Variants in CSMD1 observed in about 807,000 individuals in gnomAD.
CSMD1 encodes the protein CUB and sushi domain-containing protein 1.
A neutral mutation model predicts 417.5 loss-of-function variants in CSMD1; 213 were observed. The observed-to-expected ratio is 0.51, with a 90% CI of 0.46 to 0.57. The LOEUF is 0.57. CSMD1 is among the 20% of genes least tolerant of loss of function. The pLI, the probability that CSMD1 is intolerant of heterozygous loss-of-function variation, is 0.00. For synonymous variants in CSMD1, 2,862 were observed against 1,736.8 expected (o/e 1.65, Z -16.11); for missense variants, 6,923 against 4,529.7 (o/e 1.53, Z -15.17).
chr8:4,978,733 T>G (rs1403458354), intron 1 of CSMD1, among the ~76,000 whole-genome samples: 2 of 152,108 alleles, frequency 1.3e-5, no homozygotes, highest in African/African-American at 4.8e-5. Flanking sequence ...AGGTCAGTAG[T>G]TCGAGACCAG....
intron 2 of CSMD1, among the ~76,000 whole-genome samples, chr8:4,437,230 G>C (rs1460622230): frequency 6.6e-6 from 1 of 152,176 alleles, no homozygotes; most frequent in Non-Finnish European, 1.5e-5. Flanking sequence ...GTATCAAATT[G>C]AAGAACTGGT....
chr8:3,488,367 C>T (rs981213776), intron 11 of CSMD1, among the ~76,000 whole-genome samples: 2 of 152,064 alleles, frequency 1.3e-5, no homozygotes, highest in African/African-American at 4.8e-5. Context: ...CTCGGCTTCC[C>T]AAAGTTCCGG....
At chr8:3,218,574 A>AAAAAAG (rs1554471138) in intron 29 of CSMD1, among the ~76,000 whole-genome samples, 14 of 151,030 alleles carry the variant, frequency 9.3e-5, no homozygotes, top group Non-Finnish European at 1.8e-4. Context: ...AATAAAAAAA[A>AAAAAAG]AAAGAAATTA....
intron 2 of CSMD1, among the ~76,000 whole-genome samples, chr8:4,472,864 ATAGT>A (rs1397694600): frequency 2.0e-5 from 3 of 151,996 alleles, no homozygotes; most frequent in Non-Finnish European, 4.4e-5. Flanking sequence ...ATGATTAAAC[ATAGT>A]TATTCACTTT....
At chr8:4,092,386 C>T (rs532521884) in intron 3 of CSMD1, among the ~76,000 whole-genome samples, 3 of 152,232 alleles carry the variant, frequency 2.0e-5, no homozygotes, top group Non-Finnish European at 2.9e-5. Context: ...CTGTGCTCTC[C>T]ACCGTAAGGC....
intron 5 of CSMD1, among the ~76,000 whole-genome samples, chr8:3,903,705 C>A (rs1272253822): frequency 6.6e-6 from 1 of 152,152 alleles, no homozygotes; most frequent in Non-Finnish European, 1.5e-5. Flanking sequence ...TCAGATACAG[C>A]ATCCTGAAAG....
At chr8:3,478,705 C>T (rs907494534) in intron 11 of CSMD1, among the ~76,000 whole-genome samples, 5 of 152,222 alleles carry the variant, frequency 3.3e-5, no homozygotes, top group East Asian at 1.9e-4. Context: ...TACCAGACTA[C>T]GCAGCACCAC....
chr8:3,806,555 C>T (rs1219051006), intron 5 of CSMD1, among the ~76,000 whole-genome samples: 1 of 152,178 alleles, frequency 6.6e-6, no homozygotes, highest in East Asian at 1.9e-4. Context: ...TACACGCACA[C>T]TTATCATAGA....
chr8:4,499,809 G>T (rs1199269110), intron 2 of CSMD1, among the ~76,000 whole-genome samples: 1 of 152,190 alleles, frequency 6.6e-6, no homozygotes, highest in Admixed American at 6.5e-5. Context: ...GCATACAAGA[G>T]CTATACTGAG....
At chr8:4,046,749 C>T (rs1798167471) in intron 3 of CSMD1, among the ~76,000 whole-genome samples, 2 of 152,186 alleles carry the variant, frequency 1.3e-5, no homozygotes, top group Non-Finnish European at 2.9e-5. Context: ...TCTGTTTCCC[C>T]CATAACACAC....
intron 36 of CSMD1, among the ~76,000 whole-genome samples, chr8:3,185,410 T>A (rs993232823): frequency 2.0e-5 from 3 of 152,218 alleles, no homozygotes; most frequent in Non-Finnish European, 2.9e-5. Flanking sequence ...CTTTGGCTAA[T>A]CCATCATGCA....
chr8:3,838,191 C>T lies in CSMD1; in HGVS notation c.819-84149G>A, dbSNP rs74390854. ...CAAATGAATCAGACACAGACCCTGC[C>T]TTCCTATGGATAGATAACTATGACA... On this transcript the variant is annotated intron_variant, in intron 5 of 69. Coordinates refer to ENST00000635120, the MANE Select transcript of CSMD1 (RefSeq NM_033225.6). Among the ~76,000 whole-genome samples, 757 of 152,140 alleles carry T rather than the reference C, an allele frequency of 5.0e-3. 8 individuals are homozygous for T. Among genetic ancestry groups the T allele is most frequent in the Admixed American group, 7.7e-3 (118 of 15,236 alleles).
intron 5 of CSMD1, among the ~76,000 whole-genome samples, chr8:3,939,005 A>G (rs1463212131): frequency 1.3e-5 from 2 of 152,106 alleles, no homozygotes; most frequent in Admixed American, 6.6e-5. Context: ...GGGGTAGAAT[A>G]TTACATGTAT....
intron 42 of CSMD1, among the ~76,000 whole-genome samples, chr8:3,116,374 C>T (rs1816872215): frequency 6.6e-6 from 1 of 152,116 alleles, no homozygotes; most frequent in Non-Finnish European, 1.5e-5. Flanking sequence ...AGATATGTGG[C>T]ATCCTCCTGG....
At chr8:4,096,118 A>C (rs941978211) in intron 3 of CSMD1, among the ~76,000 whole-genome samples, 31 of 152,104 alleles carry the variant, frequency 2.0e-4, no homozygotes, top group African/African-American at 7.2e-4. Flanking sequence ...GGTTCCTCAA[A>C]AACATCCAGG....
At chr8:4,638,994 C>A (rs1424944511) in intron 1 of CSMD1, among the ~76,000 whole-genome samples, 1 of 152,176 alleles carries the variant, frequency 6.6e-6, no homozygotes, top group Non-Finnish European at 1.5e-5. Context: ...CTGCAAGAAC[C>A]AAGCGCTGAA....
chr8:4,663,122 G>A (rs1804705080), intron 1 of CSMD1, among the ~76,000 whole-genome samples: 1 of 152,156 alleles, frequency 6.6e-6, no homozygotes, highest in African/African-American at 2.4e-5. Flanking sequence ...GGCTTAGGAC[G>A]CCACGGAGAA....
At chr8:4,764,913 A>AG (rs398112131) in intron 1 of CSMD1, among the ~76,000 whole-genome samples, 2 of 147,202 alleles carry the variant, frequency 1.4e-5, no homozygotes, top group African/African-American at 2.5e-5. Flanking sequence ...ACAAAAAAAA[A>AG]CCTTTGCTGA....
Position 3,487,496 on chromosome 8 carries a change from C to T in CSMD1, c.1448+6127G>A, listed in dbSNP as rs567548189. Among the ~76,000 whole-genome samples the T allele has an allele frequency of 6.6e-4, 101 of 152,300 alleles. 1 individual carries two copies. Among genetic ancestry groups the T allele is most frequent in the South Asian group, 6.2e-3 (30 of 4,826 alleles). On this transcript the variant is annotated intron_variant, in intron 11 of 69. Coordinates refer to ENST00000635120, the MANE Select transcript of CSMD1 (RefSeq NM_033225.6). ...GATTACAGGCATGAGCCACCATGCC[C>T]GGCCTATCAGTATAAATTTAAGGCA...
Sources: allele counts gnomAD v4.1 joint callset (sites outside exome capture counted in the v4.1 genomes callset), GRCh38; gene constraint gnomAD v4.1.1; transcripts MANE v1.5; gene names NCBI Gene and HGNC (gene_info 2026-07-23, HGNC 2026-07-21).